Variants in RCOR1 observed in about 807,000 individuals in gnomAD.
RCOR1 encodes the protein REST corepressor.
Under a neutral mutation model 64.0 loss-of-function variants are expected in RCOR1, and 12 were observed. The ratio of observed to expected loss-of-function variants is 0.19; its 90% CI spans 0.12 to 0.30. RCOR1 has a LOEUF of 0.30. RCOR1 is among the 10% of genes least tolerant of loss of function. The probability of loss-of-function intolerance (pLI) is 1.00; values close to 1 mark genes in which losing one functional copy is unlikely to be tolerated. For synonymous variants in RCOR1, 279 were observed against 227.2 expected, an observed-to-expected ratio of 1.23 and a Z score of -2.05; for missense variants, 502 against 621.2, an observed-to-expected ratio of 0.81 and a Z score of 2.04.
Position 102,706,137 on chromosome 14 carries a change from A to C in RCOR1, c.499-1214A>C, listed in dbSNP as rs927021689. On this transcript the variant is annotated intron_variant, in intron 4 of 11. Coordinates refer to ENST00000262241, the MANE Select transcript of RCOR1 (RefSeq NM_015156.4). ...CTCAAAAAAAAAAAAAAAAAAAAAA[A>C]AAAAACCTAAAAAAACAGTAATTCA... 1.1e-3 allele frequency among the ~76,000 whole-genome samples: 166 copies of C among 149,538 alleles called. 1 individual carries two copies. The highest frequency in any genetic ancestry group is 2.1e-3 in the Non-Finnish European group (145 of 67,528).
chr14:102,709,010 A>G (rs181584770), intron 6 of RCOR1, among the ~76,000 whole-genome samples: 9 of 152,272 alleles, frequency 5.9e-5, no homozygotes, highest in Admixed American at 5.9e-4. Context: ...TGAGAAAGAG[A>G]AACATTTTAT....
At chr14:102,723,460 A>G (rs963260564) in intron 11 of RCOR1, among the ~76,000 whole-genome samples, 10 of 152,196 alleles carry the variant, frequency 6.6e-5, no homozygotes, top group African/African-American at 2.4e-5. Context: ...CACCATTGAA[A>G]CATATTAAAT....
At chr14:102,682,243 C>A (rs1001769655) in intron 3 of RCOR1, among the ~76,000 whole-genome samples, 5 of 152,188 alleles carry the variant, frequency 3.3e-5, no homozygotes, top group African/African-American at 1.2e-4. Flanking sequence ...GATTCTCCAG[C>A]CCCAGCCTCC....
At chr14:102,596,541 TTCC>T (rs2139874389) in intron 2 of RCOR1, among the ~76,000 whole-genome samples, 1 of 152,262 alleles carries the variant, frequency 6.6e-6, no homozygotes, top group East Asian at 1.9e-4. Context: ...TAGTTTTTAT[TTCC>T]TCCTCCTACT....
chr14:102,607,026 C>T (rs1006811855), intron 2 of RCOR1, among the ~76,000 whole-genome samples: 14 of 149,720 alleles, frequency 9.4e-5, no homozygotes, highest in East Asian at 3.9e-4. Flanking sequence ...CTCTGCCTCC[C>T]GGATTCAAGT....
intron 2 of RCOR1, among the ~76,000 whole-genome samples, chr14:102,601,373 C>T (rs1893393832): frequency 2.0e-5 from 3 of 152,214 alleles, no homozygotes. Context: ...TCATTCCCGC[C>T]TTCTTTCTTC....
intron 4 of RCOR1, among the ~76,000 whole-genome samples, chr14:102,706,141 A>AC (rs1203706572): frequency 1.5e-4 from 23 of 148,788 alleles, no homozygotes; most frequent in African/African-American, 5.7e-4. Flanking sequence ...AAAAAAAAAA[A>AC]ACCTAAAAAA....
At position 102,727,930 on chromosome 14, in the gene RCOR1, G is replaced by A. The variant is rs992263107; in HGVS notation, c.*1424G>A. On this transcript the variant is annotated 3_prime_UTR_variant, in exon 12 of 12. Coordinates refer to ENST00000262241, the MANE Select transcript of RCOR1 (RefSeq NM_015156.4). ...AGACTGCACTCAATACGCTGAAGTC[G>A]CTTTTGTTGTTGTTGTTGTTGTTTG... The A allele has an allele frequency of 7.2e-5, 11 of 152,532 alleles. No homozygotes were observed. The highest frequency in any genetic ancestry group is 4.6e-4 in the Admixed American group (7 of 15,274). 9.4% of individuals were successfully genotyped at this position (152,532 alleles called of 1,614,324 possible).
chr14:102,670,582 A>G (rs1369840416), intron 2 of RCOR1, among the ~76,000 whole-genome samples: 4 of 152,002 alleles, frequency 2.6e-5, no homozygotes, highest in African/African-American at 4.8e-5. Flanking sequence ...GCAAGAAGGT[A>G]GCATTTAATT....
Position 102,607,074 on chromosome 14 carries a change from T to C in RCOR1, c.361+13749T>C, listed in dbSNP as rs78077566. 8.1e-3 allele frequency among the ~76,000 whole-genome samples: 1,235 copies of C among 152,018 alleles called. 58 individuals are homozygous for C. Among genetic ancestry groups the C allele is most frequent in the Admixed American group, 0.057 (862 of 15,246 alleles). On this transcript the variant is annotated intron_variant, in intron 2 of 11. Coordinates refer to ENST00000262241, the MANE Select transcript of RCOR1 (RefSeq NM_015156.4). ...TCAGCCTCCCAAGTAGCTGGGATTA[T>C]AGGCATGCTCCACCACGTCTGGCTG...
At chr14:102,622,913 T>C (rs1893903946) in intron 2 of RCOR1, among the ~76,000 whole-genome samples, 1 of 152,260 alleles carries the variant, frequency 6.6e-6, no homozygotes. Context: ...GAACCTCTTA[T>C]GATGGAGTTC....
At chr14:102,656,777 C>CTTTTTT (rs200671967) in intron 2 of RCOR1, among the ~76,000 whole-genome samples, 1 of 146,502 alleles carries the variant, frequency 6.8e-6, no homozygotes, top group Non-Finnish European at 1.5e-5. Context: ...GGTTTCTTTT[C>CTTTTTT]TTTTCTTTTT....
At chr14:102,628,963 T>C (rs1595201689) in intron 2 of RCOR1, among the ~76,000 whole-genome samples, 1 of 151,182 alleles carries the variant, frequency 6.6e-6, no homozygotes, top group South Asian at 2.1e-4. Flanking sequence ...TGATCTCTGC[T>C]CACTGCAAAC....
chr14:102,650,228 C>T (rs1894557782), intron 2 of RCOR1, among the ~76,000 whole-genome samples: 1 of 150,602 alleles, frequency 6.6e-6, no homozygotes. Flanking sequence ...TCATAGTGGC[C>T]ATGGGCATGG....
Position 102,727,391 on chromosome 14 carries a change from T to C in RCOR1, c.*885T>C, listed in dbSNP as rs1258882523. On this transcript the variant is annotated 3_prime_UTR_variant, in exon 12 of 12. Coordinates refer to ENST00000262241, the MANE Select transcript of RCOR1 (RefSeq NM_015156.4). ...TTTGGCAACCATGGTTATCAATCCT[T>C]TTTCTGTTTTAGTGTCTTATTTCTT... The C allele has an allele frequency of 6.6e-6, 1 of 151,558 alleles. No individual in the cohort carries two copies. The highest frequency in any genetic ancestry group is 1.5e-5 in the Non-Finnish European group (1 of 67,770). 9.4% of individuals were successfully genotyped at this position (151,558 alleles called of 1,614,324 possible).
chr14:102,672,765 G>T (rs938055991), intron 2 of RCOR1, among the ~76,000 whole-genome samples: 1 of 152,200 alleles, frequency 6.6e-6, no homozygotes, highest in African/African-American at 2.4e-5. Flanking sequence ...GTGTTGGTGA[G>T]GATGTGTAGA....
At chr14:102,647,219 G>C (rs1894494707) in intron 2 of RCOR1, among the ~76,000 whole-genome samples, 1 of 152,232 alleles carries the variant, frequency 6.6e-6, no homozygotes, top group Non-Finnish European at 1.5e-5. Flanking sequence ...GTGGAAGCAA[G>C]TCAAGTTACA....
chr14:102,595,376 C>T (rs973734916), intron 2 of RCOR1, among the ~76,000 whole-genome samples: 2 of 152,032 alleles, frequency 1.3e-5, no homozygotes, highest in Non-Finnish European at 2.9e-5. Context: ...GTGGCATGTG[C>T]CTGTAGTTTC....
At position 102,593,315 on chromosome 14, in the gene RCOR1, C is replaced by A; in HGVS notation, c.351C>A (p.Asp117Glu). The A allele has an allele frequency of 6.5e-7, 1 of 1,547,298 alleles. No homozygotes were observed. The highest frequency in any genetic ancestry group is 8.7e-7 in the Non-Finnish European group (1 of 1,153,662). The change falls in exon 2 of 12, where the codon GAC (aspartate) becomes GAA (glutamate). Residue 117 changes from aspartate to glutamate, a missense_variant. Asp to Glu is a conservative substitution (Grantham distance 45). Coordinates refer to ENST00000262241, the MANE Select transcript of RCOR1 (RefSeq NM_015156.4). ...CCCAGTACCAGGCGGTGGTGCCCGA[C>A]TTCGACCCCGGTGAGTAGCGGCCCC... is the stretch of plus-strand genomic sequence containing the variant. ...VGPQYQAVVPDFDPAKLARRS... is the reference protein window; with the variant it reads ...VGPQYQAVVPEFDPAKLARRS...
Sources: allele counts gnomAD v4.1 joint callset (sites outside exome capture counted in the v4.1 genomes callset), GRCh38; gene constraint gnomAD v4.1.1; transcripts MANE v1.5; gene names NCBI Gene and HGNC (gene_info 2026-07-23, HGNC 2026-07-21).